LDLRAD3: variants seen among roughly 807,000 people sequenced by gnomAD.
LDLRAD3 encodes low density lipoprotein receptor class A domain containing 3.
Under a neutral mutation model 29.4 loss-of-function variants are expected in LDLRAD3, and 20 were observed. The observed-to-expected ratio is 0.68, with a 90% CI of 0.48 to 0.99. The LOEUF (loss-of-function observed/expected upper bound fraction) is 0.99. LDLRAD3 is among the 50% of genes least tolerant of loss of function. LDLRAD3 has a pLI of 0.00. For missense variants in LDLRAD3, 420 were observed against 454.3 expected (o/e 0.92, Z 0.69); for synonymous variants, 157 against 192.7 (o/e 0.81, Z 1.53).
In LDLRAD3 at chr11:36,115,458, G is replaced by T. The variant is rs565335472; in HGVS notation, c.454+16997G>T. ...TTTCAGAGTCTTACTTTTCCTAGGGGCAGCTCGAACCTTTCACTGGACCCC... is the reference window on the plus strand; with the variant it reads ...TTTCAGAGTCTTACTTTTCCTAGGGTCAGCTCGAACCTTTCACTGGACCCC... On this transcript the variant is annotated intron_variant, in intron 4 of 5. Transcript: ENST00000315571. 8.5e-5 allele frequency among the ~76,000 whole-genome samples: 13 copies of T among 152,192 alleles called. No homozygotes were observed. The South Asian group carries it at 2.7e-3, about 32-fold the overall frequency.
intron 1 of LDLRAD3, among the ~76,000 whole-genome samples, chr11:36,007,811 G>A (rs923959080): frequency 1.3e-5 from 2 of 152,212 alleles, no homozygotes; most frequent in Non-Finnish European, 2.9e-5. Flanking sequence ...GGGGAAACTG[G>A]CAGGAGAATC....
chr11:36,104,476 G>A (rs1232744034), intron 4 of LDLRAD3, among the ~76,000 whole-genome samples: 1 of 152,140 alleles, frequency 6.6e-6, no homozygotes, highest in African/African-American at 2.4e-5. Flanking sequence ...ATACTTCTCA[G>A]GTGGGCTCCA....
chr11:36,198,350 AC>A (rs1190507661), intron 4 of LDLRAD3, among the ~76,000 whole-genome samples: 1 of 150,556 alleles, frequency 6.6e-6, no homozygotes, highest in African/African-American at 2.5e-5. Flanking sequence ...AGCCCTCTAC[AC>A]CTTCTTTATG....
intron 1 of LDLRAD3, chr11:35,972,407 T>G (rs1049533153): frequency 1.4e-5 from 2 of 147,010 alleles, no homozygotes; most frequent in Admixed American, 6.6e-5. Flanking sequence ...CACAACAGCT[T>G]AAACTTTTTT....
chr11:36,193,718 T>A (rs535361114), intron 4 of LDLRAD3, among the ~76,000 whole-genome samples: 1 of 152,186 alleles, frequency 6.6e-6, no homozygotes, highest in African/African-American at 2.4e-5. Flanking sequence ...TTTACCCTCC[T>A]CATTCCTTTA....
At chr11:36,157,854 A>G (rs2133334464) in intron 4 of LDLRAD3, among the ~76,000 whole-genome samples, 1 of 152,286 alleles carries the variant, frequency 6.6e-6, no homozygotes, top group South Asian at 2.1e-4. Context: ...AGGAATCTAG[A>G]TCTGTCACGG....
intron 4 of LDLRAD3, among the ~76,000 whole-genome samples, chr11:36,160,536 A>G (rs1304149624): frequency 6.6e-6 from 1 of 152,136 alleles, no homozygotes; most frequent in Admixed American, 6.5e-5. Flanking sequence ...CTTTCTTTTA[A>G]TGAGGCTCTC....
rs116380063 is a variant in LDLRAD3, at chr11:35,962,497, T to C, written c.46+18353T>C. ...AAGTGGCTGATGATCATTTTCCATATGTTGGTTCCACACTGACTTCAAAAG... is the reference window on the plus strand; with the variant it reads ...AAGTGGCTGATGATCATTTTCCATACGTTGGTTCCACACTGACTTCAAAAG... On this transcript the variant is annotated intron_variant, in intron 1 of 5. Coordinates refer to ENST00000315571, the MANE Select transcript of LDLRAD3 (RefSeq NM_174902.4). Among the ~76,000 whole-genome samples, 637 of 152,278 alleles carry C rather than the reference T, an allele frequency of 4.2e-3. 5 individuals carry two copies. Among genetic ancestry groups the C allele is most frequent in the African/African-American group, 0.014 (593 of 41,548 alleles).
chr11:35,996,373 T>C (rs1330080350), intron 1 of LDLRAD3, among the ~76,000 whole-genome samples: 1 of 152,178 alleles, frequency 6.6e-6, no homozygotes, highest in Non-Finnish European at 1.5e-5. Context: ...TGTTGTCTTA[T>C]ATGGGTGTGG....
intron 4 of LDLRAD3, among the ~76,000 whole-genome samples, chr11:36,106,602 A>C (rs1218593743): frequency 1.3e-5 from 2 of 152,244 alleles, no homozygotes; most frequent in African/African-American, 2.4e-5. Flanking sequence ...TCACCAAATC[A>C]GACCAACACT....
chr11:36,111,888 C>T (rs564136102), intron 4 of LDLRAD3, among the ~76,000 whole-genome samples: 9 of 152,350 alleles, frequency 5.9e-5, no homozygotes, highest in East Asian at 1.9e-4. Flanking sequence ...TGAGCCACCA[C>T]GCCCGGCCCA....
chr11:36,179,209 C>T (rs1048981806), intron 4 of LDLRAD3, among the ~76,000 whole-genome samples: 5 of 152,200 alleles, frequency 3.3e-5, no homozygotes, highest in Admixed American at 1.3e-4. Context: ...TATGGTGGCT[C>T]ATGCCTGTAA....
intron 1 of LDLRAD3, among the ~76,000 whole-genome samples, chr11:35,947,800 C>G (rs1851076613): frequency 1.3e-5 from 2 of 152,154 alleles, no homozygotes; most frequent in African/African-American, 4.8e-5. Flanking sequence ...TCCAGGCTTC[C>G]TGCACCATGC....
chr11:36,081,690 CT>C lies in LDLRAD3; in HGVS notation c.232del (p.Cys78ValfsTer83), dbSNP rs1251504965. ...CGAAATGTGGCCCAACCTTCTTCCCCTGTGCCAGCGGCATCCATTGCATCAT... is the reference window on the plus strand; with the variant it reads ...CGAAATGTGGCCCAACCTTCTTCCCCGTGCCAGCGGCATCCATTGCATCAT... Reference protein sequence around the residue: ...KSKCGPTFFPCASGIHCIIGR... With the variant: ...KSKCGPTFFPXASGIHCIIGR... On this transcript the variant is annotated frameshift_variant, in exon 3 of 6. Coordinates refer to ENST00000315571, the MANE Select transcript of LDLRAD3 (RefSeq NM_174902.4). LOFTEE classifies it high-confidence loss of function. 1.9e-6 allele frequency: 3 copies of C among 1,614,226 alleles called. No individual in the cohort carries two copies. Among genetic ancestry groups the C allele is most frequent in the Non-Finnish European group, 2.5e-6 (3 of 1,180,030 alleles).
intron 4 of LDLRAD3, among the ~76,000 whole-genome samples, chr11:36,142,674 A>G (rs1854104420): frequency 6.6e-6 from 1 of 152,156 alleles, no homozygotes; most frequent in Non-Finnish European, 1.5e-5. Flanking sequence ...CAGCCGGTGA[A>G]GTGAGACTCA....
chr11:35,958,754 G>A lies in LDLRAD3; in HGVS notation c.46+14610G>A, dbSNP rs150909121. On this transcript the variant is annotated intron_variant, in intron 1 of 5. Coordinates refer to ENST00000315571, the MANE Select transcript of LDLRAD3 (RefSeq NM_174902.4). ...TACAGCAGTGATATTCAAGGGTTGGGGAAGAGGAAGCCACTCTTCCTCTCC... is the reference window on the plus strand; with the variant it reads ...TACAGCAGTGATATTCAAGGGTTGGAGAAGAGGAAGCCACTCTTCCTCTCC... Among the ~76,000 whole-genome samples the A allele has an allele frequency of 3.2e-3, 493 of 152,254 alleles. 3 individuals are homozygous for A. Among genetic ancestry groups the A allele is most frequent in the African/African-American group, 0.011 (475 of 41,560 alleles).
intron 2 of LDLRAD3, among the ~76,000 whole-genome samples, chr11:36,043,475 T>C (rs956048915): frequency 6.6e-6 from 1 of 152,188 alleles, no homozygotes; most frequent in Non-Finnish European, 1.5e-5. Context: ...GGATATAGGA[T>C]ATGTTGAAAT....
intron 3 of LDLRAD3, among the ~76,000 whole-genome samples, chr11:36,085,653 C>A (rs1853185040): frequency 1.3e-5 from 2 of 152,098 alleles, no homozygotes; most frequent in African/African-American, 4.8e-5. Flanking sequence ...ACTCCATCAC[C>A]CAGGCTAGAG....
Position 35,967,486 on chromosome 11 carries a change from C to T in LDLRAD3, c.46+23342C>T, listed in dbSNP as rs115766461. ...CTGCTTTGGGAAGGTACTAATAATC[C>T]TCTTGCAAAATCTCATTTGCTAGGC... is the stretch of plus-strand genomic sequence containing the variant. On this transcript the variant is annotated intron_variant, in intron 1 of 5. Coordinates refer to ENST00000315571, the MANE Select transcript of LDLRAD3 (RefSeq NM_174902.4). 605 of 357,096 alleles carry T rather than the reference C, an allele frequency of 1.7e-3. 3 individuals carry two copies. Among genetic ancestry groups the T allele is most frequent in the African/African-American group, 0.012 (553 of 46,498 alleles). 22.1% of individuals were successfully genotyped at this position (357,096 alleles called of 1,614,324 possible). A position where few individuals can be genotyped will look rare whatever the true frequency, so the allele number is the denominator to read the frequency against.
Sources: allele counts gnomAD v4.1 joint callset (sites outside exome capture counted in the v4.1 genomes callset), GRCh38; gene constraint gnomAD v4.1.1; transcripts MANE v1.5; gene names NCBI Gene and HGNC (gene_info 2026-07-23, HGNC 2026-07-21).